Variants in PAK2 observed in about 807,000 individuals in gnomAD.
PAK2 encodes the protein serine/threonine-protein kinase PAK 2.
A neutral mutation model predicts 65.9 loss-of-function variants in PAK2; 21 were observed. The ratio of observed to expected loss-of-function variants is 0.32; its 90% CI spans 0.23 to 0.46. PAK2 has a LOEUF of 0.46. PAK2 is among the 20% of genes least tolerant of loss of function. The pLI, the probability that PAK2 is intolerant of heterozygous loss-of-function variation, is 1.00. For synonymous variants in PAK2, 204 were observed against 219.7 expected, an observed-to-expected ratio of 0.93 and a Z score of 0.63; for missense variants, 324 against 642.6, an observed-to-expected ratio of 0.50 and a Z score of 5.36.
At chr3:196,764,614 G>GA in intron 1 of PAK2, among the ~76,000 whole-genome samples, 1 of 144,268 alleles carries the variant, frequency 6.9e-6, no homozygotes, top group Non-Finnish European at 1.5e-5. Context: ...GCGAGACTCT[G>GA]TCTCAAAAAA....
intron 1 of PAK2, among the ~76,000 whole-genome samples, chr3:196,749,052 C>CT (rs750961561): frequency 6.0e-5 from 9 of 151,054 alleles, no homozygotes; most frequent in Non-Finnish European, 1.0e-4. Flanking sequence ...CAAGCTTCAT[C>CT]TGTGTTGTAG....
intron 1 of PAK2, among the ~76,000 whole-genome samples, chr3:196,751,515 C>G (rs77158387): frequency 1.3e-5 from 2 of 149,830 alleles, no homozygotes; most frequent in Non-Finnish European, 3.0e-5. Context: ...AGCGTGGTGG[C>G]ACGCACCTGT....
chr3:196,812,686 T>C, intron 9 of PAK2, 53 bp from the exon 10 acceptor site: 1 of 819,176 alleles, frequency 1.2e-6, no homozygotes. Flanking sequence ...GGGTTTGTAA[T>C]TTTCTAAGAG....
chr3:196,767,542 G>A (rs565962783), intron 1 of PAK2, among the ~76,000 whole-genome samples: 2 of 150,694 alleles, frequency 1.3e-5, no homozygotes, highest in African/African-American at 5.0e-5. Context: ...AGGCTGGAGT[G>A]CAGTGGCATG....
intron 1 of PAK2, among the ~76,000 whole-genome samples, chr3:196,741,030 G>A (rs1200241013): frequency 6.6e-6 from 1 of 152,184 alleles, no homozygotes; most frequent in Non-Finnish European, 1.5e-5. Flanking sequence ...GTTGTCCCTT[G>A]ATAAATAACG....
chr3:196,810,358 T>A (rs999119472), intron 7 of PAK2, among the ~76,000 whole-genome samples: 2 of 152,104 alleles, frequency 1.3e-5, no homozygotes, highest in Non-Finnish European at 2.9e-5. Context: ...TGTCTTCTTG[T>A]TTCTGTTACT....
At position 196,828,509 on chromosome 3, in the gene PAK2, A is replaced by C. The variant is rs944830687; in HGVS notation, c.*104A>C. 3 of 739,854 alleles carry C rather than the reference A, an allele frequency of 4.1e-6. No homozygotes were observed. In the African/African-American group the frequency reaches 5.4e-5, roughly 13 times the overall value. 45.8% of individuals were successfully genotyped at this position (739,854 alleles called of 1,614,324 possible). A position where few individuals can be genotyped will look rare whatever the true frequency, so the allele number is the denominator to read the frequency against. The stretch of plus-strand genomic sequence containing the variant: ...TGGGGTTTAAAGAAATGGTCTGCAT[A>C]ACCTGAATGAAAGAAGCAAATGACT... On this transcript the variant is annotated 3_prime_UTR_variant, in exon 15 of 15. Transcript: ENST00000327134.
intron 13 of PAK2, among the ~76,000 whole-genome samples, chr3:196,822,299 AAAAC>A (rs1226423420): frequency 2.6e-5 from 4 of 152,232 alleles, no homozygotes; most frequent in African/African-American, 4.8e-5. Flanking sequence ...GGAAAAGAGA[AAAAC>A]AAAATAAATC....
chr3:196,768,144 T>A (rs1268714054), intron 1 of PAK2, among the ~76,000 whole-genome samples: 1 of 152,084 alleles, frequency 6.6e-6, no homozygotes, highest in Non-Finnish European at 1.5e-5. Context: ...AAATGATAAA[T>A]CAACACGTGG....
At chr3:196,811,266 T>TTCCCTTCCCTCCCTTCCC (rs1560113729) in intron 8 of PAK2, among the ~76,000 whole-genome samples, 3 of 11,264 alleles carry the variant, frequency 2.7e-4, no homozygotes, top group African/African-American at 9.3e-4. Flanking sequence ...CCTCCCTTCC[T>TTCCCTTCCCTCCCTTCCC]TCCCTTCCCT....
At chr3:196,813,169 A>T (rs1715882641) in intron 10 of PAK2, among the ~76,000 whole-genome samples, 1 of 152,122 alleles carries the variant, frequency 6.6e-6, no homozygotes, top group Non-Finnish European at 1.5e-5. Flanking sequence ...GACTGGTTAC[A>T]TGGTTTTTAA....
intron 10 of PAK2, among the ~76,000 whole-genome samples, chr3:196,813,628 TCCCTAG>T (rs1374066429): frequency 6.6e-6 from 1 of 152,060 alleles, no homozygotes; most frequent in Admixed American, 6.6e-5. Flanking sequence ...AGAGACTTTA[TCCCTAG>T]TTATGGAGAA....
intron 1 of PAK2, among the ~76,000 whole-genome samples, chr3:196,752,084 A>G (rs1713622168): frequency 6.6e-6 from 1 of 152,096 alleles, no homozygotes; most frequent in African/African-American, 2.4e-5. Flanking sequence ...CATCCCCAAC[A>G]TATCTCATTA....
chr3:196,820,350 CTGTTT>C lies in PAK2; in HGVS notation c.1154-7_1154-3del, dbSNP rs3042835. ...AAACCATCCATGGAAGCCATTAACT[CTGTTT>C]TGTTTTGTTTTGTAGCTGACTTTGG... On this transcript the variant is annotated splice_polypyrimidine_tract_variant and intron_variant, in intron 12 of 14. Transcript: ENST00000327134. This position sits in a 1 kb window ranked among gnomAD's most constrained non-coding sequence, Gnocchi z 4.6. The C allele has an allele frequency of 1.1e-5, 16 of 1,493,208 alleles. No homozygotes were observed. The highest frequency in any genetic ancestry group is 2.6e-5 in the South Asian group (2 of 76,724). The allele number at this position is 1,493,208 out of a possible 1,614,324, so 92.5% of individuals were successfully genotyped here.
chr3:196,781,310 A>T (rs9857918), intron 1 of PAK2, among the ~76,000 whole-genome samples: 1,624 of 152,326 alleles, frequency 0.011, 31 homozygotes, highest in African/African-American at 0.037. Context: ...ATGGTTTTGT[A>T]TCAGAACTCA....
At position 196,820,400 on chromosome 3, in the gene PAK2, CCT is replaced by C. The variant is rs1333558699; in HGVS notation, c.1184_1185del (p.Pro395ArgfsTer28). 1 of 1,607,854 alleles carries C rather than the reference CCT, an allele frequency of 6.2e-7. No individual in the cohort carries two copies. Among genetic ancestry groups the C allele is most frequent in the Non-Finnish European group, 8.5e-7 (1 of 1,176,962 alleles). ...CTTTGGTTTCTGTGCCCAGATCACC[CCT>C]GAGCAGAGCAAACGCAGTACCATGG... ...TDFGFCAQIT[P>X]EQSKRSTMVG... On this transcript the variant is annotated frameshift_variant, in exon 13 of 15. Transcript: ENST00000327134. LOFTEE classifies it high-confidence loss of function. This position sits in a 1 kb window ranked among gnomAD's most constrained non-coding sequence, Gnocchi z 4.6.
intron 1 of PAK2, among the ~76,000 whole-genome samples, chr3:196,763,964 AT>A (rs11314152): frequency 0.072 from 10,174 of 140,594 alleles, 613 homozygotes; most frequent in African/African-American, 0.18. Context: ...ACGCCCGGCT[AT>A]TTTTTTTTTT....
At chr3:196,816,132 A>G (rs993688289) in intron 11 of PAK2, among the ~76,000 whole-genome samples, 2 of 151,704 alleles carry the variant, frequency 1.3e-5, no homozygotes, top group African/African-American at 4.9e-5. Context: ...ACAAAGGGCA[A>G]AACTTTAAGT....
chr3:196,805,343 C>A lies in PAK2; in HGVS notation c.437-9C>A. On this transcript the variant is annotated splice_polypyrimidine_tract_variant and intron_variant, in intron 4 of 14. Transcript: ENST00000327134. ...GAATTGCTAATGTTATGTTTTGTTT[C>A]ATATTCAGAGAAAGATGGCTTTCCT... The A allele has an allele frequency of 1.4e-6, 2 of 1,393,806 alleles. No individual in the cohort carries two copies. The highest frequency in any genetic ancestry group is 2.0e-6 in the Non-Finnish European group (2 of 1,020,084). The allele number at this position is 1,393,806 out of a possible 1,614,324, so 86.3% of individuals were successfully genotyped here.
Sources: allele counts gnomAD v4.1 joint callset (sites outside exome capture counted in the v4.1 genomes callset), GRCh38; gene constraint gnomAD v4.1.1; non-coding constraint Gnocchi (gnomAD v3.1); transcripts MANE v1.5; gene names NCBI Gene and HGNC (gene_info 2026-07-23, HGNC 2026-07-21).